KLHL33: variants seen among roughly 807,000 people sequenced by gnomAD.
KLHL33 encodes the protein kelch-like protein 33.
Under a neutral mutation model 60.8 loss-of-function variants are expected in KLHL33, and 46 were observed. The observed-to-expected ratio is 0.76, with a 90% CI of 0.60 to 0.97. The LOEUF (loss-of-function observed/expected upper bound fraction) is 0.97, where lower values mean the gene tolerates loss of function less well. KLHL33 is among the 50% of genes least tolerant of loss of function. The pLI is 0.00. For synonymous variants in KLHL33, 434 were observed against 432.2 expected (o/e 1.00, Z -0.05); for missense variants, 1,055 against 1,000.0 (o/e 1.05, Z -0.74).
chr14:20,429,463 G>C, intron 4 of KLHL33, 39 bp downstream of exon 4: 1 of 1,550,484 alleles, frequency 6.4e-7, no homozygotes, highest in African/African-American at 1.4e-5. Flanking sequence ...TCTATTCCAA[G>C]TCTCCTAATC....
rs1594395590 is a variant in KLHL33 at position 20,428,854 on chromosome 14, C to T, written c.2389G>A (p.Gly797Arg). 1.3e-6 allele frequency: 2 copies of T among 1,549,646 alleles called. No individual in the cohort carries two copies. Among genetic ancestry groups the T allele is most frequent in the Non-Finnish European group, 8.7e-7 (1 of 1,145,426 alleles). ...VPTPHQTKPAG is the reference protein window; with the variant it reads ...VPTPHQTKPAR ...CATACACTGTTGCTCCCTCTTCACC[C>T]AGCAGGTTTGGTTTGGTGTGGGGTG... Residue 797 changes from glycine (G) to arginine (R), a missense_variant, in exon 5 of 5, where the codon GGG becomes AGG. Transcript: ENST00000636854.
rs565091532 is a variant in KLHL33 at position 20,426,975 on chromosome 14, T to C, written c.*1874A>G. 1.5e-4 allele frequency: 19 copies of C among 130,678 alleles called. No individual in the cohort carries two copies. The highest frequency in any genetic ancestry group is 5.3e-4 in the African/African-American group (18 of 33,972). 8.1% of individuals were successfully genotyped at this position (130,678 alleles called of 1,614,324 possible). A position where few individuals can be genotyped will look rare whatever the true frequency, so the allele number is the denominator to read the frequency against. ...GCATGTTCTCACTCATAGGTGGGAA[T>C]TGAACAATGAGAACACGTGGACACA... On this transcript the variant is annotated 3_prime_UTR_variant, in exon 5 of 5. Coordinates refer to ENST00000636854, the MANE Select transcript of KLHL33 (RefSeq NM_001365790.2).
rs748068107 is a variant in KLHL33 at position 20,430,106 on chromosome 14, G to A, written c.1362C>T (p.His454=). 1.2e-5 allele frequency: 18 copies of A among 1,551,604 alleles called. No homozygotes were observed. In the South Asian group the frequency reaches 1.4e-4, roughly 12 times the overall value. The change falls in exon 3 of 5, where the codon CAC becomes CAT. Residue 454 remains histidine, a synonymous_variant. Transcript: ENST00000636854. ...GAACATCAGCCTCTACCATCAGCTG[G>A]TGCAACAGATCTGGGGTCAGGGGTG... ...LLPPLTPDLL[H]QLMVEADVPG... is the part of the protein sequence containing the mutation.
rs763588967 is a variant in KLHL33, at chr14:20,430,637, C to T, written c.831G>A (p.Glu277=). 5 of 1,535,692 alleles carry T rather than the reference C, an allele frequency of 3.3e-6. No individual in the cohort carries two copies. In the East Asian group the frequency reaches 9.8e-5, roughly 30 times the overall value. Residue 277 remains glutamate (E), a synonymous_variant, in exon 3 of 5, where the codon GAG becomes GAA. Coordinates refer to ENST00000636854, the MANE Select transcript of KLHL33 (RefSeq NM_001365790.2). ...LSGMRESQGT[E]VSLRTISTQD... is the part of the protein sequence containing the mutation. ...GGGTGGAGATCGTCCGCAGAGATAC[C>T]TCTGTGCCCTGGGATTCCCTCATCC...
At chr14:20,434,539 T>A (rs1272450064) in intron 2 of KLHL33, among the ~76,000 whole-genome samples, 8 of 94,542 alleles carry the variant, frequency 8.5e-5, no homozygotes, top group Non-Finnish European at 1.3e-4. Flanking sequence ...AGATGCTGTC[T>A]CAGAAAAAAA....
Position 20,430,456 on chromosome 14 carries a change from G to C in KLHL33, c.1012C>G (p.Arg338Gly). 1 of 1,551,532 alleles carries C rather than the reference G, an allele frequency of 6.4e-7. No individual in the cohort carries two copies. Among genetic ancestry groups the C allele is most frequent in the Non-Finnish European group, 8.7e-7 (1 of 1,147,018 alleles). ...GCCATGGGGAACAGGGCCAGGCAAC[G>C]GGCAGGGCTGAGGCCCCGTGCCAAG... ...KGLARGLSPA[R>G]CLALFPMAEA... is the part of the protein sequence containing the mutation. The change falls in exon 3 of 5, where the codon CGT (arginine) becomes GGT (glycine). Residue 338 changes from arginine to glycine, a missense_variant. By Grantham distance (125) the Arg-to-Gly change is moderately radical. Transcript: ENST00000636854.
intron 2 of KLHL33, among the ~76,000 whole-genome samples, chr14:20,431,490 G>T (rs56401719): frequency 0.067 from 8,398 of 124,882 alleles, 293 homozygotes; most frequent in Middle Eastern, 0.15. Flanking sequence ...ACTTTGGGAG[G>T]CTGAGGTGGG....
chr14:20,431,010 G>A (rs1310244307), intron 2 of KLHL33, among the ~76,000 whole-genome samples: 3 of 152,210 alleles, frequency 2.0e-5, no homozygotes, highest in Non-Finnish European at 4.4e-5. Flanking sequence ...TTAGTGGCCT[G>A]AAGACACTTA....
In KLHL33 at chr14:20,430,667, C is replaced by T; in HGVS notation, c.801G>A (p.Leu267=). 1 of 1,534,348 alleles carries T rather than the reference C, an allele frequency of 6.5e-7. No homozygotes were observed. The highest frequency in any genetic ancestry group is 8.7e-7 in the Non-Finnish European group (1 of 1,146,268). The change falls in exon 3 of 5, where the codon CTG becomes CTA. Residue 267 remains leucine (L), a synonymous_variant. Transcript: ENST00000636854. ...TGCCCTGGGATTCCCTCATCCCGCT[C>T]AGGAGCATGGCCCCAAAGAACTCAC... The part of the protein sequence containing the change: ...CGSEFFGAML[L]SGMRESQGTE...
At position 20,429,620 on chromosome 14, in the gene KLHL33, C is replaced by T. The variant is rs1253150712; in HGVS notation, c.1723G>A (p.Ala575Thr). Residue 575 changes from alanine to threonine, a missense_variant, in exon 4 of 5, where the codon GCT (alanine) becomes ACT (threonine). By Grantham distance (58) the Ala-to-Thr change is moderately conservative. Transcript: ENST00000636854. ...DWEEMAPLSQ[A>T]RSLFSLVALD... ...GCCACCAAGGAGAAAAGGCTTCGAG[C>T]CTGGGACAAAGGAGCCATCTCCTCC... The T allele has an allele frequency of 2.6e-6, 4 of 1,551,770 alleles. No individual in the cohort carries two copies. Among genetic ancestry groups the T allele is most frequent in the Non-Finnish European group, 3.5e-6 (4 of 1,147,054 alleles).
chr14:20,429,885 T>A lies in KLHL33; in HGVS notation c.1583A>T (p.His528Leu). The A allele has an allele frequency of 6.4e-7, 1 of 1,552,016 alleles. No homozygotes were observed. Among genetic ancestry groups the A allele is most frequent in the South Asian group, 1.2e-5 (1 of 84,058 alleles). ...ACTTCCTGCCAGGCTTGCAGCCCCA[T>A]GCCGGAAGCGTCCGGGGGCAGGCAG... is the stretch of plus-strand genomic sequence containing the variant. ...PALPAPGRFR[H>L]GAASLAGSEL... is the part of the protein sequence containing the mutation. Residue 528 changes from histidine to leucine, a missense_variant, in exon 3 of 5, where the codon CAT becomes CTT. Transcript: ENST00000636854.
intron 2 of KLHL33, among the ~76,000 whole-genome samples, chr14:20,432,870 C>T (rs925775804): frequency 6.8e-6 from 1 of 147,170 alleles, no homozygotes; most frequent in African/African-American, 2.5e-5. Flanking sequence ...TGCAGTGAGC[C>T]GAGATCGTGC....
intron 2 of KLHL33, among the ~76,000 whole-genome samples, chr14:20,434,564 C>T (rs563111224): frequency 8.6e-5 from 13 of 151,376 alleles, no homozygotes; most frequent in African/African-American, 2.7e-4. Context: ...AAAAGTGCCA[C>T]GGCCTGGTAA....
chr14:20,432,976 A>AAGAAAGAAAGAAAGAAAGAAAGAG (rs1880567598), intron 2 of KLHL33, among the ~76,000 whole-genome samples: 1 of 151,512 alleles, frequency 6.6e-6, no homozygotes, highest in Admixed American at 6.6e-5. Context: ...GAAAGAAAGA[A>AAGAAAGAAAGAAAGAAAGAAAGAG]AGAAAGAAAG....
intron 2 of KLHL33, among the ~76,000 whole-genome samples, chr14:20,431,096 A>G (rs571252470): frequency 1.2e-4 from 19 of 152,362 alleles, no homozygotes; most frequent in African/African-American, 4.1e-4. Context: ...AGAGGAAAGC[A>G]TTTGCTAAGA....
chr14:20,427,442 C>A lies in KLHL33; in HGVS notation c.*1407G>T, dbSNP rs895145218. On this transcript the variant is annotated 3_prime_UTR_variant, in exon 5 of 5. Transcript: ENST00000636854. ...ATCTGAAAAGCCTCTGGAATACCCA[C>A]TTCCTCTTTGCTATGGAGAAACAGG... 1 of 152,210 alleles carries A rather than the reference C, an allele frequency of 6.6e-6. No homozygotes were observed. Among genetic ancestry groups the A allele is most frequent in the Admixed American group, 6.5e-5 (1 of 15,276 alleles). 9.4% of individuals were successfully genotyped at this position (152,210 alleles called of 1,614,324 possible).
In KLHL33 at chr14:20,429,299, C is replaced by T. The variant is rs1880405433; in HGVS notation, c.1944G>A (p.Leu648=). 2 of 1,551,690 alleles carry T rather than the reference C, an allele frequency of 1.3e-6. No homozygotes were observed. The highest frequency in any genetic ancestry group is 1.7e-6 in the Non-Finnish European group (2 of 1,146,998). ...TGGGGTCATAGTGCATCAGTGAGGCCAGGTATTGGCCAGTCCCACCACAGC... is the reference window on the plus strand; with the variant it reads ...TGGGGTCATAGTGCATCAGTGAGGCTAGGTATTGGCCAGTCCCACCACAGC... ...SGGCGGTGQY[L]ASLMHYDPKL... is the part of the protein sequence containing the mutation. Residue 648 remains leucine (L), a synonymous_variant, in exon 5 of 5, where the codon CTG becomes CTA. Coordinates refer to ENST00000636854, the MANE Select transcript of KLHL33 (RefSeq NM_001365790.2).
chr14:20,430,769 G>A lies in KLHL33; in HGVS notation c.749-50C>T, dbSNP rs150773103. The A allele has an allele frequency of 4.7e-4, 604 of 1,289,572 alleles. 6 individuals are homozygous for A. The African/African-American group carries it at 8.2e-3, about 18-fold the overall frequency. 79.9% of individuals were successfully genotyped at this position (1,289,572 alleles called of 1,614,324 possible). ...GGAGGACTCAAAGTATTGCAAGACC[G>A]ATAGGCATTACCCCAACTTGGTACT... On this transcript the variant is annotated intron_variant, in intron 2 of 4. Coordinates refer to ENST00000636854, the MANE Select transcript of KLHL33 (RefSeq NM_001365790.2).
intron 2 of KLHL33, among the ~76,000 whole-genome samples, chr14:20,434,269 G>C (rs936601486): frequency 6.6e-6 from 1 of 152,064 alleles, no homozygotes; most frequent in African/African-American, 2.4e-5. Flanking sequence ...TGGCCAGGCC[G>C]GGTGCAGTGA....
Sources: allele counts gnomAD v4.1 joint callset (sites outside exome capture counted in the v4.1 genomes callset), GRCh38; gene constraint gnomAD v4.1.1; transcripts MANE v1.5; gene names NCBI Gene and HGNC (gene_info 2026-07-23, HGNC 2026-07-21).